The following KDM4C variants were observed in gnomAD, a reference collection of about 807,000 sequenced individuals.
The protein encoded by KDM4C is lysine-specific demethylase 4C.
Under a neutral mutation model 129.3 loss-of-function variants are expected in KDM4C, and 81 were observed. That is an observed-to-expected ratio of 0.63 (90% confidence interval 0.52 to 0.75). The LOEUF is 0.75. KDM4C is among the 30% of genes least tolerant of loss of function. KDM4C has a pLI of 0.00. For synonymous variants in KDM4C, 573 were observed against 456.1 expected (o/e 1.26, Z -3.26); for missense variants, 1,457 against 1,304.0 (o/e 1.12, Z -1.81).
upstream of KDM4C, among the ~76,000 whole-genome samples, chr9:6,754,207 TTTTC>T (rs1202794960): frequency 2.0e-5 from 3 of 151,518 alleles, no homozygotes; most frequent in Non-Finnish European, 2.9e-5. Context: ...TTTTGTTTTC[TTTTC>T]TTTTTCTTTT....
At chr9:6,995,952 G>C (rs571380739) in intron 12 of KDM4C, among the ~76,000 whole-genome samples, 51 of 152,216 alleles carry the variant, frequency 3.4e-4, no homozygotes, top group Non-Finnish European at 6.8e-4. Context: ...ACAGGCGTGA[G>C]CCACCGCGCC....
At chr9:6,833,572 C>G (rs1041086201) in intron 4 of KDM4C, among the ~76,000 whole-genome samples, 2 of 152,222 alleles carry the variant, frequency 1.3e-5, no homozygotes, top group Non-Finnish European at 2.9e-5. Context: ...GGCAAGTTAT[C>G]TGTCTTTGCT....
intron 17 of KDM4C, among the ~76,000 whole-genome samples, chr9:7,084,884 A>C (rs1488280684): frequency 2.6e-5 from 4 of 152,230 alleles, no homozygotes; most frequent in African/African-American, 9.6e-5. Context: ...TCATAGATCT[A>C]TGAAGAGAGA....
intron 4 of KDM4C, among the ~76,000 whole-genome samples, chr9:6,819,264 T>G (rs962897525): frequency 6.6e-6 from 1 of 152,216 alleles, no homozygotes. Flanking sequence ...GTTGATGGAC[T>G]TTGGTTTGCA....
chr9:7,031,581 A>G (rs373806995), intron 15 of KDM4C, among the ~76,000 whole-genome samples: 4 of 152,222 alleles, frequency 2.6e-5, no homozygotes, highest in East Asian at 3.8e-4. Flanking sequence ...GTGATTTTAA[A>G]AAAAACTATT....
chr9:6,980,155 C>T (rs1816521533), intron 8 of KDM4C, among the ~76,000 whole-genome samples: 1 of 152,154 alleles, frequency 6.6e-6, no homozygotes, highest in Non-Finnish European at 1.5e-5. Context: ...TATGCACCAC[C>T]ATTTGAATGA....
At chr9:6,961,366 T>C (rs1455930852) in intron 8 of KDM4C, among the ~76,000 whole-genome samples, 3 of 152,158 alleles carry the variant, frequency 2.0e-5, no homozygotes, top group Admixed American at 2.0e-4. Context: ...ATGGCTTGCA[T>C]GCATATATAG....
At chr9:7,080,221 C>T (rs944970586) in intron 17 of KDM4C, among the ~76,000 whole-genome samples, 1 of 152,164 alleles carries the variant, frequency 6.6e-6, no homozygotes, top group African/African-American at 2.4e-5. Flanking sequence ...ATATTACTCT[C>T]AGGTTTGGCT....
At chr9:7,028,580 C>G (rs1173749873) in intron 15 of KDM4C, among the ~76,000 whole-genome samples, 4 of 152,010 alleles carry the variant, frequency 2.6e-5, no homozygotes, top group Non-Finnish European at 5.9e-5. Context: ...ACTTCCTCAG[C>G]TGCCTCGACT....
At chr9:7,055,758 C>T (rs1442968926) in intron 17 of KDM4C, among the ~76,000 whole-genome samples, 3 of 152,130 alleles carry the variant, frequency 2.0e-5, no homozygotes, top group East Asian at 1.9e-4. Context: ...ATACTGAATA[C>T]TAAAAATAGA....
At chr9:6,838,426 T>C (rs1427211159) in intron 4 of KDM4C, among the ~76,000 whole-genome samples, 1 of 152,178 alleles carries the variant, frequency 6.6e-6, no homozygotes, top group Non-Finnish European at 1.5e-5. Context: ...CCCAAGAGGA[T>C]TGGAGTTATT....
chr9:7,084,554 A>G (rs994080500), intron 17 of KDM4C, among the ~76,000 whole-genome samples: 1 of 151,726 alleles, frequency 6.6e-6, no homozygotes, highest in African/African-American at 2.4e-5. Context: ...ATGACTATTC[A>G]TAAGGCTGCT....
intron 12 of KDM4C, among the ~76,000 whole-genome samples, chr9:6,994,017 A>T (rs1431583643): frequency 6.6e-6 from 1 of 151,906 alleles, no homozygotes; most frequent in African/African-American, 2.4e-5. Context: ...CAGTTTTTCC[A>T]TGGATGGGGC....
intron 12 of KDM4C, among the ~76,000 whole-genome samples, chr9:7,004,139 A>C (rs1191847644): frequency 6.6e-6 from 1 of 152,216 alleles, no homozygotes; most frequent in Non-Finnish European, 1.5e-5. Flanking sequence ...AGCTTTTCTC[A>C]TCTGCTGAGT....
chr9:6,793,227 A>T, intron 2 of KDM4C, 95 bp downstream of exon 2: 1 of 1,325,940 alleles, frequency 7.5e-7, no homozygotes. Flanking sequence ...TTCTGAAGGA[A>T]GAAATTTGCA....
rs377727649 is a variant in KDM4C, at chr9:6,748,888, G to A, written c.49+27891G>A. 36 of 968,560 alleles carry A rather than the reference G, an allele frequency of 3.7e-5. No individual in the cohort carries two copies. In the African/African-American group the frequency reaches 5.5e-4, roughly 15 times the overall value. The allele number at this position is 968,560 out of a possible 1,614,324, so 60.0% of individuals were successfully genotyped here. On this transcript the variant is annotated intron_variant, in intron 1 of 17. Transcript: ENST00000536108. ...TTCACTTGCTCATAGAGCCACACCT[G>A]AATCTGCGATCTATTTTGTAAGTAT...
At chr9:7,082,577 T>A (rs1306879850) in intron 17 of KDM4C, among the ~76,000 whole-genome samples, 1 of 152,172 alleles carries the variant, frequency 6.6e-6, no homozygotes, top group Non-Finnish European at 1.5e-5. Flanking sequence ...CAGGGTGCCT[T>A]CATGGGGCTG....
chr9:6,723,030 C>G (rs563001124), intron 1 of KDM4C, among the ~76,000 whole-genome samples: 1 of 152,150 alleles, frequency 6.6e-6, no homozygotes, highest in East Asian at 1.9e-4. Flanking sequence ...AACAACAAAA[C>G]TCAAACAGCA....
At chr9:7,135,562 C>G (rs1019441185) in intron 19 of KDM4C, among the ~76,000 whole-genome samples, 3 of 152,084 alleles carry the variant, frequency 2.0e-5, no homozygotes, top group African/African-American at 7.2e-5. Flanking sequence ...GCCAAATCCA[C>G]TCCATGTTTG....
Sources: allele counts gnomAD v4.1 joint callset (sites outside exome capture counted in the v4.1 genomes callset), GRCh38; gene constraint gnomAD v4.1.1; transcripts MANE v1.5; gene names NCBI Gene and HGNC (gene_info 2026-07-23, HGNC 2026-07-21).